The following PALLD variants were observed in gnomAD, a reference collection of about 807,000 sequenced individuals.
PALLD encodes the protein palladin, cytoskeletal associated protein.
A neutral mutation model predicts 123.5 loss-of-function variants in PALLD; 61 were observed. The observed-to-expected ratio is 0.49, with a 90% CI of 0.40 to 0.61. PALLD has a LOEUF of 0.61. Among genes scored for constraint, PALLD ranks in the 20% least tolerant of loss-of-function variants. The probability of loss-of-function intolerance (pLI) is 0.00; values close to 1 mark genes in which losing one functional copy is unlikely to be tolerated. For synonymous variants in PALLD, 465 were observed against 496.4 expected (o/e 0.94, Z 0.84); for missense variants, 1,273 against 1,377.0 (o/e 0.92, Z 1.20).
At chr4:168,538,607 T>C (rs2874110) in intron 2 of PALLD, among the ~76,000 whole-genome samples, 108,993 of 151,956 alleles carry the variant, frequency 0.72, 39,215 homozygotes, top group East Asian at 0.86. Flanking sequence ...GAGACACAAT[T>C]GTACAAAGCT....
intron 2 of PALLD, among the ~76,000 whole-genome samples, chr4:168,549,897 C>G (rs893262526): frequency 6.6e-6 from 1 of 151,988 alleles, no homozygotes; most frequent in Admixed American, 6.6e-5. Context: ...AAATTCTATC[C>G]CCAAAATGAA....
intron 10 of PALLD, among the ~76,000 whole-genome samples, chr4:168,843,400 T>C (rs1483985851): frequency 6.6e-6 from 1 of 152,176 alleles, no homozygotes; most frequent in African/African-American, 2.4e-5. Flanking sequence ...TTTAAATTTA[T>C]GTTTGACATT....
chr4:168,879,513 GAGA>G (rs1318394026), intron 10 of PALLD, among the ~76,000 whole-genome samples: 1 of 152,170 alleles, frequency 6.6e-6, no homozygotes, highest in South Asian at 2.1e-4. Flanking sequence ...CAGTAAAAAG[GAGA>G]AGATCTTAGA....
chr4:168,732,801 G>A (rs972331294), intron 10 of PALLD, among the ~76,000 whole-genome samples: 11 of 152,072 alleles, frequency 7.2e-5, no homozygotes, highest in Non-Finnish European at 1.0e-4. Context: ...TATACAATCC[G>A]ATAGTCTATT....
At chr4:168,615,275 A>G (rs930968437) in intron 2 of PALLD, among the ~76,000 whole-genome samples, 12 of 152,356 alleles carry the variant, frequency 7.9e-5, no homozygotes, top group African/African-American at 2.9e-4. Flanking sequence ...CAAACAGCAT[A>G]TAAATAAATA....
At chr4:168,576,698 G>A (rs539704886) in intron 2 of PALLD, among the ~76,000 whole-genome samples, 60 of 152,244 alleles carry the variant, frequency 3.9e-4, no homozygotes, top group Admixed American at 1.6e-3. Context: ...ATAAACATAC[G>A]TGTGCATGTG....
chr4:168,666,718 C>A (rs1260033668), intron 2 of PALLD, among the ~76,000 whole-genome samples: 1 of 152,106 alleles, frequency 6.6e-6, no homozygotes, highest in Non-Finnish European at 1.5e-5. Flanking sequence ...ACCTCAAGGG[C>A]ATTAATCTGA....
chr4:168,599,032 T>C (rs1480117684), intron 2 of PALLD, among the ~76,000 whole-genome samples: 1 of 152,188 alleles, frequency 6.6e-6, no homozygotes, highest in Non-Finnish European at 1.5e-5. Context: ...CTAAAAGGTC[T>C]TTATAAAATT....
rs949327321 is a variant in PALLD, at chr4:168,794,504, A to G, written c.1964+82581A>G. ...CACACACACATGCACGCACACACAC[A>G]CGCACACACACACACACACACACAC... is the stretch of plus-strand genomic sequence containing the variant. On this transcript the variant is annotated intron_variant, in intron 10 of 21. Transcript: ENST00000505667. Among the ~76,000 whole-genome samples, 20 of 134,418 alleles carry G rather than the reference A, an allele frequency of 1.5e-4. No individual in the cohort carries two copies. In the East Asian group the frequency reaches 4.0e-3, roughly 27 times the overall value. 88.2% of individuals were successfully genotyped at this position (134,418 alleles called of 152,430 possible). A position where few individuals can be genotyped will look rare whatever the true frequency, so the allele number is the denominator to read the frequency against.
At chr4:168,864,366 T>G (rs963959144) in intron 10 of PALLD, 1 of 152,242 alleles carries the variant, frequency 6.6e-6, no homozygotes, top group Admixed American at 6.5e-5. Flanking sequence ...TGAAAGAAGT[T>G]CTCACCTTGG....
At chr4:168,517,443 C>T (rs989384940) in intron 2 of PALLD, among the ~76,000 whole-genome samples, 27 of 152,008 alleles carry the variant, frequency 1.8e-4, no homozygotes, top group Admixed American at 1.7e-3. Context: ...AAAAGTAATA[C>T]AATTATTTCT....
At chr4:168,740,183 AGCACTGGGAAACATCTT>A (rs1337529377) in intron 10 of PALLD, among the ~76,000 whole-genome samples, 2 of 152,222 alleles carry the variant, frequency 1.3e-5, no homozygotes, top group Non-Finnish European at 2.9e-5. Flanking sequence ...CATGGTTTCA[AGCACTGGGAAACATCTT>A]AAAAGATGCT....
chr4:168,896,195 C>T (rs531879815), intron 12 of PALLD, among the ~76,000 whole-genome samples: 15 of 138,880 alleles, frequency 1.1e-4, no homozygotes, highest in South Asian at 2.4e-4. Context: ...GGTGACAGAG[C>T]GAGACTCCAT....
chr4:168,795,251 T>C (rs994720697), intron 10 of PALLD, among the ~76,000 whole-genome samples: 3 of 152,198 alleles, frequency 2.0e-5, no homozygotes, highest in Non-Finnish European at 2.9e-5. Flanking sequence ...TTTACCACCA[T>C]TTGAAAAGTA....
chr4:168,545,706 T>C (rs1766075088), intron 2 of PALLD, among the ~76,000 whole-genome samples: 1 of 152,202 alleles, frequency 6.6e-6, no homozygotes, highest in South Asian at 2.1e-4. Flanking sequence ...ATTGCACTGC[T>C]CTTTCCTATT....
chr4:168,775,794 G>A (rs1443274562), intron 10 of PALLD, among the ~76,000 whole-genome samples: 3 of 152,150 alleles, frequency 2.0e-5, no homozygotes, highest in African/African-American at 7.2e-5. Context: ...TGAAAAGACT[G>A]TCTTTTCCTC....
chr4:168,788,125 C>T (rs62334300), intron 10 of PALLD, among the ~76,000 whole-genome samples: 4,842 of 152,196 alleles, frequency 0.032, 116 homozygotes, highest in Non-Finnish European at 0.048. Flanking sequence ...ATTGCTCACT[C>T]CCATAGATAG....
intron 2 of PALLD, among the ~76,000 whole-genome samples, chr4:168,594,629 G>T (rs945896386): frequency 1.3e-5 from 2 of 152,150 alleles, no homozygotes; most frequent in South Asian, 4.2e-4. Flanking sequence ...TAACCTCTCT[G>T]GTGCCCAATT....
At chr4:168,908,271 C>G (rs1461819698) in intron 15 of PALLD, among the ~76,000 whole-genome samples, 2 of 152,108 alleles carry the variant, frequency 1.3e-5, no homozygotes, top group Non-Finnish European at 2.9e-5. Context: ...CTTCACTATC[C>G]ATTAGCAAAA....
Sources: gnomAD v4.1 joint callset for allele counts (sites outside exome capture counted in the v4.1 genomes callset) on GRCh38, gnomAD v4.1.1 for gene constraint, MANE v1.5 for transcripts, NCBI Gene and HGNC (gene_info 2026-07-23, HGNC 2026-07-21) for gene names.